Variants in MPP7 observed in about 807,000 individuals in gnomAD.
The protein encoded by MPP7 is MAGUK p55 scaffold protein 7.
In MPP7, 60 loss-of-function variants were observed where a neutral mutation model predicts 76.5. The ratio of observed to expected loss-of-function variants is 0.78; its 90% CI spans 0.64 to 0.97. MPP7 has a LOEUF of 0.97. Ranked by LOEUF, MPP7 falls within the 50% of genes least tolerant of loss-of-function variation. The pLI, the probability that MPP7 is intolerant of heterozygous loss-of-function variation, is 0.00. For synonymous variants in MPP7, 237 were observed against 244.5 expected, an observed-to-expected ratio of 0.97 and a Z score of 0.29; for missense variants, 641 against 694.0, an observed-to-expected ratio of 0.92 and a Z score of 0.86.
chr10:28,295,695 G>A (rs78075444), intron 1 of MPP7, among the ~76,000 whole-genome samples: 9,086 of 152,300 alleles, frequency 0.06, 387 homozygotes, highest in South Asian at 0.097. Flanking sequence ...CAGACCCTCT[G>A]ACAATATTCA....
intron 11 of MPP7, chr10:28,118,738 G>A (rs1834735988): frequency 1.0e-6 from 1 of 985,268 alleles, no homozygotes. Context: ...TTGCCTGCTT[G>A]TGAGATTTAT....
At chr10:28,099,908 GA>G (rs113787843) in intron 11 of MPP7, among the ~76,000 whole-genome samples, 14 of 149,368 alleles carry the variant, frequency 9.4e-5, no homozygotes, top group South Asian at 6.4e-4. Flanking sequence ...TTTCAACGGA[GA>G]AAAAAAAACA....
intron 1 of MPP7, among the ~76,000 whole-genome samples, chr10:28,265,414 C>G (rs566938683): frequency 6.6e-6 from 1 of 152,172 alleles, no homozygotes; most frequent in South Asian, 2.1e-4. Flanking sequence ...CAAAACTTAG[C>G]CAGGCATGGT....
intron 1 of MPP7, among the ~76,000 whole-genome samples, chr10:28,268,058 C>T (rs1840203283): frequency 6.6e-6 from 1 of 151,898 alleles, no homozygotes; most frequent in African/African-American, 2.4e-5. Context: ...AACAAACAAA[C>T]AAACAAACAA....
chr10:28,285,637 C>T (rs1840773150), intron 1 of MPP7, among the ~76,000 whole-genome samples: 1 of 152,136 alleles, frequency 6.6e-6, no homozygotes, highest in Non-Finnish European at 1.5e-5. Flanking sequence ...CAATGGTTAT[C>T]AATGGTCATG....
At chr10:28,278,354 T>C (rs1840565973) in intron 1 of MPP7, among the ~76,000 whole-genome samples, 1 of 152,106 alleles carries the variant, frequency 6.6e-6, no homozygotes, top group South Asian at 2.1e-4. Flanking sequence ...CTAAATTGCA[T>C]ATGGAAGTTT....
Position 28,271,578 on chromosome 10 carries a change from C to G in MPP7, c.-132+31283G>C, listed in dbSNP as rs529277424. 6.6e-5 allele frequency among the ~76,000 whole-genome samples: 10 copies of G among 152,214 alleles called. No homozygotes were observed. The East Asian group carries it at 1.7e-3, about 26-fold the overall frequency. On this transcript the variant is annotated intron_variant, in intron 1 of 16. Transcript: ENST00000683449. ...TCCATAAATTTTGAAAGGTAGGGAGCCCTGTTTGTACTCCCTGGGAAATGT... is the reference window on the plus strand; with the variant it reads ...TCCATAAATTTTGAAAGGTAGGGAGGCCTGTTTGTACTCCCTGGGAAATGT...
chr10:28,298,982 G>A (rs573660338), intron 1 of MPP7, among the ~76,000 whole-genome samples: 2 of 152,246 alleles, frequency 1.3e-5, no homozygotes, highest in African/African-American at 4.8e-5. Flanking sequence ...TTGAAGAGAG[G>A]GTTTTGCTCT....
At chr10:28,191,043 C>T (rs1837397023) in intron 3 of MPP7, among the ~76,000 whole-genome samples, 1 of 152,078 alleles carries the variant, frequency 6.6e-6, no homozygotes, top group Non-Finnish European at 1.5e-5. Flanking sequence ...ATGATATACA[C>T]CATTCCTTGA....
chr10:28,252,673 C>T (rs1839651356), intron 1 of MPP7, among the ~76,000 whole-genome samples: 1 of 144,148 alleles, frequency 6.9e-6, no homozygotes, highest in Non-Finnish European at 1.5e-5. Flanking sequence ...TAAAAGGCAA[C>T]CAGATGAGAT....
chr10:28,262,165 GAAAT>G (rs371090723), intron 1 of MPP7, among the ~76,000 whole-genome samples: 21 of 74,638 alleles, frequency 2.8e-4, no homozygotes, highest in African/African-American at 7.6e-4. Flanking sequence ...AAAGAAAAAG[GAAAT>G]AAATAAATAA....
At chr10:28,276,660 C>T (rs1436657453) in intron 1 of MPP7, among the ~76,000 whole-genome samples, 8 of 151,940 alleles carry the variant, frequency 5.3e-5, no homozygotes, top group African/African-American at 1.5e-4. Flanking sequence ...TTTTCAGGAG[C>T]GCAAGTCATG....
intron 12 of MPP7, among the ~76,000 whole-genome samples, chr10:28,075,633 C>T (rs774422793): frequency 2.0e-5 from 3 of 152,232 alleles, no homozygotes; most frequent in South Asian, 2.1e-4. Flanking sequence ...GTCTTCATCA[C>T]GTGCTACTTG....
At chr10:28,320,928 A>G (rs1834363999) in intron 2 of MPP7, among the ~76,000 whole-genome samples, 1 of 152,012 alleles carries the variant, frequency 6.6e-6, no homozygotes, top group East Asian at 1.9e-4. Context: ...CAGTGAGGCA[A>G]TTCAGGGGCA....
chr10:28,308,295 C>T (rs1262114384), intron 2 of MPP7, among the ~76,000 whole-genome samples: 2 of 152,282 alleles, frequency 1.3e-5, no homozygotes, highest in East Asian at 3.9e-4. Context: ...ACCACTGCCC[C>T]ACTGCTGCCT....
At chr10:28,224,734 A>C (rs1838632738) in intron 2 of MPP7, among the ~76,000 whole-genome samples, 1 of 152,182 alleles carries the variant, frequency 6.6e-6, no homozygotes, top group Non-Finnish European at 1.5e-5. Flanking sequence ...GAAAGTTAAC[A>C]GGATTCCAAC....
At chr10:28,129,544 C>T (rs892545623) in intron 6 of MPP7, among the ~76,000 whole-genome samples, 11 of 150,862 alleles carry the variant, frequency 7.3e-5, no homozygotes, top group East Asian at 1.9e-4. Context: ...GCCGAGATCA[C>T]GCCACTGCAC....
At chr10:28,254,004 GAAAAAAAAAAAAAAA>G (rs199511617) in intron 1 of MPP7, among the ~76,000 whole-genome samples, 4 of 92,320 alleles carry the variant, frequency 4.3e-5, no homozygotes, top group African/African-American at 1.2e-4. Context: ...TCACAAAAAA[GAAAAAAAAAAAAAAA>G]AAAAAAAAAA....
chr10:28,087,745 A>C (rs756524831), intron 12 of MPP7, among the ~76,000 whole-genome samples: 1 of 152,138 alleles, frequency 6.6e-6, no homozygotes, highest in African/African-American at 2.4e-5. Context: ...GAGAAGAGGC[A>C]ACAGGGACAG....
Sources: allele counts gnomAD v4.1 joint callset (sites outside exome capture counted in the v4.1 genomes callset), GRCh38; gene constraint gnomAD v4.1.1; transcripts MANE v1.5; gene names NCBI Gene and HGNC (gene_info 2026-07-23, HGNC 2026-07-21).